MOV10: variants seen among roughly 807,000 people sequenced by gnomAD.
MOV10 encodes the protein Mov10 RNA helicase.
A neutral mutation model predicts 108.4 loss-of-function variants in MOV10; 39 were observed. The ratio of observed to expected loss-of-function variants is 0.36; its 90% CI spans 0.28 to 0.47. The LOEUF (loss-of-function observed/expected upper bound fraction) is 0.47, where lower values mean the gene tolerates loss of function less well. MOV10 is among the 20% of genes least tolerant of loss of function. The pLI is 1.00. For synonymous variants in MOV10, 490 were observed against 523.1 expected (o/e 0.94, Z 0.86); for missense variants, 952 against 1,297.6 (o/e 0.73, Z 4.09).
In MOV10 at chr1:112,694,778, C is replaced by T. The variant is rs761874986; in HGVS notation, c.1502C>T (p.Pro501Leu). ...TACGACCGGAGTCTGGAGTCAAACCCAGAGCAGCTGCAGGCCATGAGGCAC... is the reference window on the plus strand; with the variant it reads ...TACGACCGGAGTCTGGAGTCAAACCTAGAGCAGCTGCAGGCCATGAGGCAC... Reference protein sequence around the residue: ...KLYDRSLESNPEQLQAMRHIV... With the variant: ...KLYDRSLESNLEQLQAMRHIV... The change falls in exon 10 of 21, where the codon CCA (proline) becomes CTA (leucine). Residue 501 changes from proline (P) to leucine (L), a missense_variant. Transcript: ENST00000369645. This position sits in a 1 kb window ranked among gnomAD's most constrained non-coding sequence, Gnocchi z 4.1. 6.2e-7 allele frequency: 1 copy of T among 1,614,156 alleles called. No individual in the cohort carries two copies. The highest frequency in any genetic ancestry group is 8.5e-7 in the Non-Finnish European group (1 of 1,180,012).
At chr1:112,698,611 C>A in intron 16 of MOV10, 104 bp from the exon 17 acceptor site, 2 of 1,444,114 alleles carry the variant, frequency 1.4e-6, no homozygotes, top group Non-Finnish European at 1.9e-6. Flanking sequence ...GCACCAAGGT[C>A]AGCTGCCGCC....
chr1:112,676,756 G>C (rs1672228801), intron 2 of MOV10, among the ~76,000 whole-genome samples: 1 of 152,272 alleles, frequency 6.6e-6, no homozygotes, highest in Non-Finnish European at 1.5e-5. Flanking sequence ...CAAGGGTGAG[G>C]AGTCTCACTA....
At position 112,694,670 on chromosome 1, in the gene MOV10, G is replaced by A; in HGVS notation, c.1472+41G>A. On this transcript the variant is annotated intron_variant, in intron 9 of 20. Transcript: ENST00000369645. This position sits in a 1 kb window ranked among gnomAD's most constrained non-coding sequence, Gnocchi z 4.1. ...GGGAGCTTCTGGAGCCACTTGGAGTGTGGGCACAGGGGGTGGAGTCAGGGA... is the reference window on the plus strand; with the variant it reads ...GGGAGCTTCTGGAGCCACTTGGAGTATGGGCACAGGGGGTGGAGTCAGGGA... 6.3e-7 allele frequency: 1 copy of A among 1,592,174 alleles called. No individual in the cohort carries two copies. The highest frequency in any genetic ancestry group is 8.6e-7 in the Non-Finnish European group (1 of 1,167,160).
At position 112,697,983 on chromosome 1, in the gene MOV10, C is replaced by T. The variant is rs577910810; in HGVS notation, c.2199-11C>T. 4.7e-5 allele frequency: 76 copies of T among 1,609,960 alleles called. 1 individual carries two copies. Among genetic ancestry groups the T allele is most frequent in the Middle Eastern group, 1.6e-4 (1 of 6,072 alleles). ...ACCCTTGGTCTTGCTTTTCCTCCTC[C>T]GGCCTCCCAGGTCTCATCCCACCAT... On this transcript the variant is annotated splice_polypyrimidine_tract_variant and intron_variant, in intron 14 of 20. Coordinates refer to ENST00000369645, the MANE Select transcript of MOV10 (RefSeq NM_001321324.2).
intron 10 of MOV10, 129 bp from the exon 11 acceptor site, chr1:112,695,287 G>A (rs560295796): frequency 3.0e-5 from 27 of 896,802 alleles, no homozygotes; most frequent in African/African-American, 1.2e-4. Context: ...ACTGTTGTAC[G>A]GGTAGGGCAC....
Position 112,700,676 on chromosome 1 carries a change from T to C in MOV10, c.*169T>C. Reference sequence around the variant, plus strand: ...TGCTGGGGAGAATGACACATCAAGCTGCTAACAATTGGGGGAAGGGGAAGG... The same window carrying C: ...TGCTGGGGAGAATGACACATCAAGCCGCTAACAATTGGGGGAAGGGGAAGG... On this transcript the variant is annotated 3_prime_UTR_variant, in exon 21 of 21. Transcript: ENST00000369645. The C allele has an allele frequency of 2.0e-6, 3 of 1,531,016 alleles. No individual in the cohort carries two copies. Among genetic ancestry groups the C allele is most frequent in the Non-Finnish European group, 2.6e-6 (3 of 1,144,248 alleles). 94.8% of individuals were successfully genotyped at this position (1,531,016 alleles called of 1,614,324 possible).
chr1:112,698,892 A>C (rs1469674746), intron 17 of MOV10, 103 bp downstream of exon 17: 2 of 960,508 alleles, frequency 2.1e-6, no homozygotes, highest in Non-Finnish European at 3.4e-6. Context: ...TCCCCGTCCC[A>C]CCCCTGCTGC....
intron 11 of MOV10, 105 bp downstream of exon 11, chr1:112,695,679 A>AT: frequency 1.6e-6 from 2 of 1,258,724 alleles, no homozygotes; most frequent in Non-Finnish European, 2.1e-6. Flanking sequence ...GATACTTGCT[A>AT]TGTGACCTTG....
chr1:112,684,111 T>C (rs1672875497), intron 2 of MOV10, among the ~76,000 whole-genome samples: 1 of 145,648 alleles, frequency 6.9e-6, no homozygotes, highest in Non-Finnish European at 1.5e-5. Flanking sequence ...CCACCACACC[T>C]GACTAATTTT....
At chr1:112,696,021 G>T in intron 11 of MOV10, 127 bp from the exon 12 acceptor site, 1 of 706,800 alleles carries the variant, frequency 1.4e-6, no homozygotes. Flanking sequence ...CAGCCTGGGG[G>T]ACAGCGAGAC....
intron 2 of MOV10, chr1:112,688,605 A>C (rs1310349585): frequency 2.5e-6 from 3 of 1,220,054 alleles, no homozygotes; most frequent in African/African-American, 3.1e-5. Flanking sequence ...TTTCCCCCAC[A>C]AAAAGAACTT....
chr1:112,678,053 T>G (rs1672336781), intron 2 of MOV10, among the ~76,000 whole-genome samples: 1 of 152,028 alleles, frequency 6.6e-6, no homozygotes, highest in African/African-American at 2.4e-5. Flanking sequence ...CTAGTAATGG[T>G]GTTTAGATAG....
chr1:112,692,441 G>A (rs1383065879), intron 6 of MOV10, among the ~76,000 whole-genome samples: 1 of 152,218 alleles, frequency 6.6e-6, no homozygotes, highest in Non-Finnish European at 1.5e-5. Flanking sequence ...AGGTAGTGAT[G>A]TTTGAACAGA....
rs752300972 is a variant in MOV10, at chr1:112,691,743, C to A, written c.915C>A (p.Pro305=). ...CTCCCCGCCTCAGGCAGCTGCTCCC[C>A]ATGCTTCTTCAGGGAACAAGTATCT... ...YPPPRLRQLL[P]MLLQGTSIFT... Residue 305 remains proline (P), a synonymous_variant, in exon 6 of 21, where the codon CCC becomes CCA. Coordinates refer to ENST00000369645, the MANE Select transcript of MOV10 (RefSeq NM_001321324.2). The A allele has an allele frequency of 2.5e-6, 4 of 1,614,200 alleles. No homozygotes were observed. In the South Asian group the frequency reaches 4.4e-5, roughly 18 times the overall value.
Position 112,694,723 on chromosome 1 carries a change from G to A in MOV10, c.1473-26G>A, listed in dbSNP as rs1019229016. On this transcript the variant is annotated intron_variant, in intron 9 of 20. Transcript: ENST00000369645. The surrounding 1 kb of genome is among the most constrained non-coding windows in gnomAD (Gnocchi z 4.1). ...CCTCTGGGTCACTGGATGACTTCAAGTTCACATTCCTGGTCCCTCTGCCAG... is the reference window on the plus strand; with the variant it reads ...CCTCTGGGTCACTGGATGACTTCAAATTCACATTCCTGGTCCCTCTGCCAG... The A allele has an allele frequency of 6.2e-6, 10 of 1,610,206 alleles. No individual in the cohort carries two copies. The highest frequency in any genetic ancestry group is 8.5e-6 in the Non-Finnish European group (10 of 1,177,206).
Position 112,699,570 on chromosome 1 carries a change from G to C in MOV10, c.2584-115G>C, listed in dbSNP as rs1245697046. 17 of 1,536,680 alleles carry C rather than the reference G, an allele frequency of 1.1e-5. No individual in the cohort carries two copies. In the East Asian group the frequency reaches 3.8e-4, roughly 35 times the overall value. ...GTGTCGCAGCACTGGTTCACTCACT[G>C]ATCTACAATTGCCCAGTGACCTCTC... On this transcript the variant is annotated intron_variant, in intron 17 of 20. Coordinates refer to ENST00000369645, the MANE Select transcript of MOV10 (RefSeq NM_001321324.2).
intron 2 of MOV10, among the ~76,000 whole-genome samples, chr1:112,679,756 A>G (rs2101257657): frequency 6.6e-6 from 1 of 152,282 alleles, no homozygotes; most frequent in South Asian, 2.1e-4. Context: ...GCACAGTTTA[A>G]AAAGATAGGA....
intron 17 of MOV10, chr1:112,699,015 T>G (rs551189958): frequency 1.8e-6 from 1 of 556,220 alleles, no homozygotes; most frequent in Non-Finnish European, 3.2e-6. Flanking sequence ...CTGTCATTCT[T>G]AGACTGAGGC....
At chr1:112,695,153 C>T (rs990577703) in intron 10 of MOV10, among the ~76,000 whole-genome samples, 1 of 152,006 alleles carries the variant, frequency 6.6e-6, no homozygotes, top group African/African-American at 2.4e-5. Context: ...AATAGCTGGG[C>T]ACTTGAGGCT....
Sources: gnomAD v4.1 joint callset for allele counts (sites outside exome capture counted in the v4.1 genomes callset) on GRCh38, gnomAD v4.1.1 for gene constraint, Gnocchi (gnomAD v3.1) non-coding constraint, MANE v1.5 for transcripts, NCBI Gene and HGNC (gene_info 2026-07-23, HGNC 2026-07-21) for gene names.